The following RGS3 variants were observed in gnomAD, a reference collection of about 807,000 sequenced individuals.
The protein encoded by RGS3 is regulator of G-protein signalling 3.
In RGS3, 80 loss-of-function variants were observed where a neutral mutation model predicts 132.6. That is an observed-to-expected ratio of 0.60 (90% CI 0.50 to 0.73). RGS3 has a LOEUF of 0.73. Ranked by LOEUF, RGS3 falls within the 30% of genes least tolerant of loss-of-function variation. RGS3 has a pLI of 0.00. For missense variants in RGS3, 1,382 were observed against 1,530.8 expected, an observed-to-expected ratio of 0.90 and a Z score of 1.62; for synonymous variants, 598 against 620.6, an observed-to-expected ratio of 0.96 and a Z score of 0.54.
chr9:113,560,386 C>T lies in RGS3; in HGVS notation c.2038-23064C>T, dbSNP rs116120214. On this transcript the variant is annotated intron_variant, in intron 19 of 24. Transcript: ENST00000350696. ...GTGTCAGGTGCCCCAGAACAAGGCC[C>T]GTGCCACCAGGAAGAGCAAGACCTA... Among the ~76,000 whole-genome samples the T allele has an allele frequency of 8.9e-3, 1,347 of 150,706 alleles. 20 individuals are homozygous for T. Among genetic ancestry groups the T allele is most frequent in the African/African-American group, 0.031 (1,279 of 40,964 alleles).
chr9:113,482,058 A>C (rs1007792139), intron 4 of RGS3, among the ~76,000 whole-genome samples: 9 of 151,710 alleles, frequency 5.9e-5, no homozygotes, highest in Non-Finnish European at 8.8e-5. Flanking sequence ...AAAAAAAAAA[A>C]AACAAAAAAA....
At chr9:113,512,228 A>T (rs891775339) in intron 14 of RGS3, among the ~76,000 whole-genome samples, 2 of 152,144 alleles carry the variant, frequency 1.3e-5, no homozygotes, top group Non-Finnish European at 2.9e-5. Context: ...TTCAGTGATG[A>T]TCTTGAGACT....
Position 113,507,583 on chromosome 9 carries a change from C to G in RGS3, c.1382C>G (p.Thr461Ser). 6.6e-7 allele frequency: 1 copy of G among 1,522,924 alleles called. No homozygotes were observed. The highest frequency in any genetic ancestry group is 8.8e-7 in the Non-Finnish European group (1 of 1,132,254). 94.3% of individuals were successfully genotyped at this position (1,522,924 alleles called of 1,614,324 possible). A position where few individuals can be genotyped will look rare whatever the true frequency, so the allele number is the denominator to read the frequency against. The change falls in exon 13 of 25, where the codon ACT becomes AGT. Residue 461 changes from threonine (T) to serine (S), a missense_variant. Physicochemically the swap from Thr to Ser is moderately conservative, Grantham distance 58. Transcript: ENST00000350696. The surrounding 1 kb of genome is among the most constrained non-coding windows in gnomAD (Gnocchi z 5.0). ...ACCCTGCCTGCACTGTCCCGTGCCA[C>G]TGCCCCCACCGACCCCAACTACATC...
intron 14 of RGS3, among the ~76,000 whole-genome samples, chr9:113,511,360 C>T (rs1432933643): frequency 2.0e-5 from 3 of 151,758 alleles, no homozygotes; most frequent in Non-Finnish European, 4.4e-5. Context: ...ATGAGTTTGC[C>T]TTCACAGAGC....
intron 11 of RGS3, 92 bp downstream of exon 9, chr9:113,505,615 A>G (rs1044687049): frequency 2.6e-5 from 26 of 987,494 alleles, no homozygotes; most frequent in Admixed American, 3.7e-5. Context: ...GGAGCCCCAA[A>G]CTGGAGCAAA....
At position 113,463,193 on chromosome 9, in the gene RGS3, T is replaced by G. The variant is rs561163726; in HGVS notation, c.415+992T>G. On this transcript the variant is annotated intron_variant, in intron 3 of 24. Coordinates refer to ENST00000350696, the Ensembl canonical transcript of RGS3. This position sits in a 1 kb window ranked among gnomAD's most constrained non-coding sequence, Gnocchi z 4.6. ...CATCCGGACCTGTGTCAGGCAGCACTTGTTCAAGAGGAGGCTCAAGAGAGT... is the reference window on the plus strand; with the variant it reads ...CATCCGGACCTGTGTCAGGCAGCACGTGTTCAAGAGGAGGCTCAAGAGAGT... Among the ~76,000 whole-genome samples, 92 of 152,282 alleles carry G rather than the reference T, an allele frequency of 6.0e-4. No individual in the cohort carries two copies. Among genetic ancestry groups the G allele is most frequent in the Middle Eastern group, 6.8e-3 (2 of 294 alleles).
intron 19 of RGS3, among the ~76,000 whole-genome samples, chr9:113,554,973 C>T (rs975795120): frequency 1.3e-5 from 2 of 152,126 alleles, no homozygotes; most frequent in Non-Finnish European, 2.9e-5. Context: ...AATTCATCTG[C>T]AATTAATTTA....
chr9:113,554,987 C>T (rs1823749098), intron 19 of RGS3, among the ~76,000 whole-genome samples: 1 of 152,074 alleles, frequency 6.6e-6, no homozygotes. Flanking sequence ...TAATTTAATG[C>T]CTGGTGTCAG....
upstream of RGS3, among the ~76,000 whole-genome samples, chr9:113,457,249 C>T (rs1205860978): frequency 6.6e-6 from 1 of 152,168 alleles, no homozygotes; most frequent in Non-Finnish European, 1.5e-5. Context: ...TTCTTTCTGC[C>T]TGTAACCCTT....
At chr9:113,468,075 T>C (rs76272278) in intron 3 of RGS3, among the ~76,000 whole-genome samples, 6,019 of 152,334 alleles carry the variant, frequency 0.04, 148 homozygotes, top group African/African-American at 0.059. Flanking sequence ...ACTTTATCTT[T>C]TGTTACTTGT....
At chr9:113,502,622 G>C (rs1830951173) in intron 10 of RGS3, among the ~76,000 whole-genome samples, 1 of 152,212 alleles carries the variant, frequency 6.6e-6, no homozygotes, top group African/African-American at 2.4e-5. Flanking sequence ...GTGAGACAGA[G>C]AGAGCACTGG....
At chr9:113,487,153 G>A (rs982307374) in intron 7 of RGS3, among the ~76,000 whole-genome samples, 5 of 142,990 alleles carry the variant, frequency 3.5e-5, no homozygotes, top group Non-Finnish European at 6.0e-5. Flanking sequence ...CGCCCAGGCC[G>A]GACTGCGGAC....
intron 3 of RGS3, among the ~76,000 whole-genome samples, chr9:113,469,090 A>G (rs573935591): frequency 2.1e-4 from 31 of 147,612 alleles, no homozygotes; most frequent in Admixed American, 1.2e-3. Context: ...TGTTGGTACA[A>G]TGTTAGCTGG....
intron 24 of RGS3, 76 bp downstream of exon 22, chr9:113,595,841 A>T (rs992332887): frequency 2.0e-6 from 3 of 1,515,846 alleles, no homozygotes; most frequent in Non-Finnish European, 1.8e-6. Flanking sequence ...GGTGGCAGCC[A>T]GCAGCACAGG....
chr9:113,535,541 T>C (rs1475239289), intron 18 of RGS3, among the ~76,000 whole-genome samples: 1 of 152,246 alleles, frequency 6.6e-6, no homozygotes, highest in African/African-American at 2.4e-5. Context: ...GCCTGATTGT[T>C]GTCCTCCTTG....
In RGS3 at chr9:113,536,922, A is replaced by G. The variant is rs764237225; in HGVS notation, c.2037+4A>G. 1.2e-6 allele frequency: 2 copies of G among 1,613,684 alleles called. No homozygotes were observed. Among genetic ancestry groups the G allele is most frequent in the South Asian group, 2.2e-5 (2 of 91,056 alleles). ...AGCATCACCCCCGGACAGCAAGGTA[A>G]GGGCCTTGACAGTGGCTGTGGCCTG... On this transcript the variant is annotated splice_donor_region_variant and intron_variant, in intron 19 of 24. Transcript: ENST00000350696.
chr9:113,483,780 G>A (rs1442173442), intron 5 of RGS3, among the ~76,000 whole-genome samples: 1 of 152,208 alleles, frequency 6.6e-6, no homozygotes, highest in Non-Finnish European at 1.5e-5. Context: ...CCTTCGTGAA[G>A]GGAGCACTCA....
intron 19 of RGS3, among the ~76,000 whole-genome samples, chr9:113,564,035 G>A (rs796791605): frequency 2.6e-5 from 4 of 152,288 alleles, no homozygotes; most frequent in African/African-American, 9.6e-5. Flanking sequence ...CACAAGTTGG[G>A]CATTCCCAAC....
intron 19 of RGS3, among the ~76,000 whole-genome samples, chr9:113,560,883 C>T (rs956971940): frequency 3.9e-5 from 6 of 152,134 alleles, no homozygotes; most frequent in African/African-American, 9.7e-5. Flanking sequence ...AAGTTGAAGC[C>T]GGTGTGTACC....
Sources: gnomAD v4.1 joint callset for allele counts (sites outside exome capture counted in the v4.1 genomes callset) on GRCh38, gnomAD v4.1.1 for gene constraint, Gnocchi (gnomAD v3.1) non-coding constraint, MANE v1.5 for transcripts, NCBI Gene and HGNC (gene_info 2026-07-23, HGNC 2026-07-21) for gene names.